Variants in TBC1D9 observed in about 807,000 individuals in gnomAD.
TBC1D9 encodes the protein TBC1 domain family member 9A.
TBC1D9 carries 63 observed loss-of-function variants against 132.0 expected under a neutral mutation model. The observed-to-expected ratio is 0.48, with a 90% CI of 0.39 to 0.59. TBC1D9 has a LOEUF of 0.59. TBC1D9 is among the 20% of genes least tolerant of loss of function. The pLI, the probability that TBC1D9 is intolerant of heterozygous loss-of-function variation, is 0.00. For synonymous variants in TBC1D9, 610 were observed against 609.9 expected, an observed-to-expected ratio of 1.00 and a Z score of 0.00; for missense variants, 1,261 against 1,592.7, an observed-to-expected ratio of 0.79 and a Z score of 3.54.
At chr4:140,734,726 T>G (rs1430943828) in intron 1 of TBC1D9, among the ~76,000 whole-genome samples, 3 of 152,088 alleles carry the variant, frequency 2.0e-5, no homozygotes, top group Non-Finnish European at 4.4e-5. Context: ...GCCAAGGAAT[T>G]TGAGGCTGCA....
chr4:140,637,921 A>G (rs991133114), intron 15 of TBC1D9, among the ~76,000 whole-genome samples: 4 of 152,218 alleles, frequency 2.6e-5, no homozygotes, highest in African/African-American at 9.6e-5. Flanking sequence ...TCACTAATTT[A>G]TCTATTAATT....
At chr4:140,739,116 C>T (rs1738720948) in intron 1 of TBC1D9, among the ~76,000 whole-genome samples, 1 of 151,658 alleles carries the variant, frequency 6.6e-6, no homozygotes, top group Non-Finnish European at 1.5e-5. Flanking sequence ...CGTGCCTCAG[C>T]CTCCCAAGTT....
intron 18 of TBC1D9, among the ~76,000 whole-genome samples, chr4:140,625,421 G>A (rs969702798): frequency 6.6e-6 from 1 of 152,164 alleles, no homozygotes; most frequent in Non-Finnish European, 1.5e-5. Flanking sequence ...AAATAGAGAG[G>A]TGTACAATGC....
chr4:140,700,039 G>T (rs1324183504), intron 2 of TBC1D9, among the ~76,000 whole-genome samples: 2 of 152,102 alleles, frequency 1.3e-5, no homozygotes, highest in Non-Finnish European at 1.5e-5. Flanking sequence ...GCTCATGCTT[G>T]CAATCCCTTT....
chr4:140,657,599 G>A lies in TBC1D9; in HGVS notation c.2135C>T (p.Ala712Val). ...GIKVIFQLAL[A>V]VLDANVDKLL... is the part of the protein sequence containing the mutation. ...TTTGTCCACATTTGCATCCAGCACA[G>A]CTAGGGCCAACTGGAATATCACTTT... is the stretch of plus-strand genomic sequence containing the variant. The change falls in exon 12 of 21, where the codon GCT (alanine) becomes GTT (valine). Residue 712 changes from alanine (A) to valine (V), a missense_variant. Ala to Val is a moderately conservative substitution (Grantham distance 64, BLOSUM62 0). This residue lies in a region of TBC1D9 where 618 missense variants were observed against 724.4 expected (regional missense o/e 0.85). Transcript: ENST00000442267. The A allele has an allele frequency of 6.2e-7, 1 of 1,614,000 alleles. No individual in the cohort carries two copies. Among genetic ancestry groups the A allele is most frequent in the African/African-American group, 1.3e-5 (1 of 75,036 alleles).
chr4:140,754,153 A>G (rs1464944160), intron 1 of TBC1D9, among the ~76,000 whole-genome samples: 1 of 152,250 alleles, frequency 6.6e-6, no homozygotes, highest in Non-Finnish European at 1.5e-5. Flanking sequence ...ACAAATGTTA[A>G]GCAGAAAAAG....
chr4:140,756,137 G>GCGCC lies in TBC1D9; in HGVS notation c.-96_-93dup, dbSNP rs879601070. Reference sequence around the variant, plus strand: ...CAGGCGCGCACTCCTGGGCACACGCGCGCCCGCCCGCCCGTCCGCTAGGTG... The same window carrying GCGCC: ...CAGGCGCGCACTCCTGGGCACACGCGCGCCCGCCCGCCCGCCCGTCCGCTAGGTG... On this transcript the variant is annotated 5_prime_UTR_variant, in exon 1 of 21. Coordinates refer to ENST00000442267, the MANE Select transcript of TBC1D9 (RefSeq NM_015130.3). This position sits in a 1 kb window ranked among gnomAD's most constrained non-coding sequence, Gnocchi z 5.6. 34 of 1,065,582 alleles carry GCGCC rather than the reference G, an allele frequency of 3.2e-5. No individual in the cohort carries two copies. In the Admixed American group the frequency reaches 5.9e-4, roughly 18 times the overall value. 66.0% of individuals were successfully genotyped at this position (1,065,582 alleles called of 1,614,324 possible).
At chr4:140,692,227 CA>C (rs765586027) in intron 2 of TBC1D9, among the ~76,000 whole-genome samples, 5 of 152,086 alleles carry the variant, frequency 3.3e-5, no homozygotes, top group Non-Finnish European at 7.4e-5. Context: ...AACAAAAACC[CA>C]ATAAGCCTCC....
At chr4:140,646,278 A>G (rs1274155629) in intron 13 of TBC1D9, among the ~76,000 whole-genome samples, 4 of 152,206 alleles carry the variant, frequency 2.6e-5, no homozygotes, top group African/African-American at 9.6e-5. Context: ...GTTCAAACCC[A>G]GGTCGTCTGA....
chr4:140,627,203 T>A (rs1038060712), intron 18 of TBC1D9, among the ~76,000 whole-genome samples: 2 of 152,238 alleles, frequency 1.3e-5, no homozygotes, highest in African/African-American at 4.8e-5. Context: ...TATACAGCTC[T>A]ATAGGACACA....
At chr4:140,689,469 T>G (rs2111028612) in intron 2 of TBC1D9, among the ~76,000 whole-genome samples, 1 of 83,966 alleles carries the variant, frequency 1.2e-5, no homozygotes, top group African/African-American at 4.7e-5. Context: ...TTCCCTTCCC[T>G]TCCCTTCCCC....
chr4:140,678,072 T>C (rs1737651938), intron 5 of TBC1D9, among the ~76,000 whole-genome samples: 1 of 152,036 alleles, frequency 6.6e-6, no homozygotes, highest in African/African-American at 2.4e-5. Flanking sequence ...GAAAATGAAG[T>C]CTGTATTTGC....
At chr4:140,638,993 C>G (rs1736921476) in intron 15 of TBC1D9, 93 bp downstream of exon 15, 1 of 875,552 alleles carries the variant, frequency 1.1e-6, no homozygotes, top group South Asian at 1.7e-5. Flanking sequence ...TTATATTATC[C>G]CTTAATTTAA....
At chr4:140,691,124 G>A (rs1002548100) in intron 2 of TBC1D9, among the ~76,000 whole-genome samples, 3 of 152,158 alleles carry the variant, frequency 2.0e-5, no homozygotes, top group Non-Finnish European at 2.9e-5. Context: ...ATACTGAAAA[G>A]TACGAGCCAG....
chr4:140,644,287 T>C lies in TBC1D9; in HGVS notation c.2338-4859A>G, dbSNP rs554118931. On this transcript the variant is annotated intron_variant, in intron 13 of 20. Coordinates refer to ENST00000442267, the MANE Select transcript of TBC1D9 (RefSeq NM_015130.3). Reference sequence around the variant, plus strand: ...ACCACGTTGTCGGGGGTCTCTTCCTTGCGGGTGATACCCGGGGTGGACAGC... The same window carrying C: ...ACCACGTTGTCGGGGGTCTCTTCCTCGCGGGTGATACCCGGGGTGGACAGC... The C allele has an allele frequency of 4.1e-5, 12 of 293,736 alleles. No individual in the cohort carries two copies. The East Asian group carries it at 1.1e-3, about 28-fold the overall frequency. 18.2% of individuals were successfully genotyped at this position (293,736 alleles called of 1,614,324 possible). A position where few individuals can be genotyped will look rare whatever the true frequency, so the allele number is the denominator to read the frequency against.
At chr4:140,705,905 CT>C (rs1738143644) in intron 1 of TBC1D9, among the ~76,000 whole-genome samples, 1 of 152,232 alleles carries the variant, frequency 6.6e-6, no homozygotes. Flanking sequence ...TAACTCTTCT[CT>C]GCATCTACCT....
intron 1 of TBC1D9, among the ~76,000 whole-genome samples, chr4:140,716,870 T>A (rs1031176881): frequency 6.6e-6 from 1 of 151,146 alleles, no homozygotes; most frequent in South Asian, 2.1e-4. Context: ...CAACCCACTA[T>A]GCTGATTTAA....
rs1057072580 is a variant in TBC1D9, at chr4:140,706,700, T to C, written c.131-5086A>G. Among the ~76,000 whole-genome samples the C allele has an allele frequency of 6.6e-6, 1 of 152,202 alleles. No homozygotes were observed. Among genetic ancestry groups the C allele is most frequent in the Non-Finnish European group, 1.5e-5 (1 of 68,040 alleles). ...AGGTCCTTATACTTTTACTGAGCCA[T>C]GTTTTTCATATAAAAAATTTAAAAC... is the stretch of plus-strand genomic sequence containing the variant. On this transcript the variant is annotated intron_variant, in intron 1 of 20. Transcript: ENST00000442267. This position sits in a 1 kb window ranked among gnomAD's most constrained non-coding sequence, Gnocchi z 4.0.
At chr4:140,623,091 T>C (rs913230971) in intron 20 of TBC1D9, among the ~76,000 whole-genome samples, 174 bp from the exon 21 acceptor site, 2 of 152,150 alleles carry the variant, frequency 1.3e-5, no homozygotes, top group South Asian at 2.1e-4. Context: ...TTTTTAATTT[T>C]TATTTCTTTT....
Sources: gnomAD v4.1 joint callset for allele counts (sites outside exome capture counted in the v4.1 genomes callset) on GRCh38, gnomAD v4.1.1 for gene constraint, gnomAD v4.1.1 regional missense constraint, Gnocchi (gnomAD v3.1) non-coding constraint, MANE v1.5 for transcripts, NCBI Gene and HGNC (gene_info 2026-07-23, HGNC 2026-07-21) for gene names.